DMXL1: variants seen among roughly 807,000 people sequenced by gnomAD.
DMXL1 encodes the protein dmX-like protein 1.
In DMXL1, 99 loss-of-function variants were observed where a neutral mutation model predicts 319.2. The observed-to-expected ratio is 0.31, with a 90% CI of 0.26 to 0.37. The LOEUF is 0.37. Among genes scored for constraint, DMXL1 ranks in the 10% least tolerant of loss-of-function variants. The pLI is 1.00. For missense variants in DMXL1, 3,745 were observed against 3,595.6 expected (o/e 1.04, Z -1.06); for synonymous variants, 1,385 against 1,235.2 (o/e 1.12, Z -2.54).
At chr5:119,108,947 A>G (rs1227306575) in intron 4 of DMXL1, among the ~76,000 whole-genome samples, 1 of 151,870 alleles carries the variant, frequency 6.6e-6, no homozygotes, top group Non-Finnish European at 1.5e-5. Flanking sequence ...GTTTACAGGC[A>G]TGCTCCACCA....
intron 2 of DMXL1, among the ~76,000 whole-genome samples, chr5:119,099,504 C>G (rs1357093601): frequency 6.6e-6 from 1 of 152,108 alleles, no homozygotes; most frequent in Non-Finnish European, 1.5e-5. Context: ...TGCGCCCAGC[C>G]TATCCTTGAG....
intron 4 of DMXL1, among the ~76,000 whole-genome samples, chr5:119,106,207 AGGGCAGCCT>A (rs1758308643): frequency 6.6e-6 from 1 of 152,182 alleles, no homozygotes; most frequent in Non-Finnish European, 1.5e-5. Flanking sequence ...CCTCTGTAGC[AGGGCAGCCT>A]GGATTTTACA....
In DMXL1 at chr5:119,116,173, A is replaced by C; in HGVS notation, c.580A>C (p.Lys194Gln). Residue 194 changes from lysine (K) to glutamine (Q), a missense_variant, in exon 7 of 44, where the codon AAG (lysine) becomes CAG (glutamine). Around this residue, in one of 4 missense-constraint regions of DMXL1, gnomAD observed 2,096 missense variants for 1,985.4 expected, o/e 1.06. Transcript: ENST00000539542. ...TTTTCCTTAGGATGACTGTCTTTTG[A>C]AGGTTTGGTATAATGTAGAAAACTG... Reference protein sequence around the residue: ...ATAGKDDCLLKVWYNVENWRT... With the variant: ...ATAGKDDCLLQVWYNVENWRT... 1 of 1,598,356 alleles carries C rather than the reference A, an allele frequency of 6.3e-7. No homozygotes were observed. The highest frequency in any genetic ancestry group is 8.5e-7 in the Non-Finnish European group (1 of 1,171,638).
Position 119,148,991 on chromosome 5 carries a change from A to G in DMXL1, c.3164A>G (p.Asn1055Ser). Residue 1055 changes from asparagine to serine, a missense_variant, in exon 18 of 44, where the codon AAT becomes AGT. Asn to Ser is a conservative substitution (Grantham distance 46). Transcript: ENST00000539542. Reference protein sequence around the residue: ...RPVEVSCAHTNRLAVAYKQPA... With the variant: ...RPVEVSCAHTSRLAVAYKQPA... ...GTAGAAGTTAGCTGTGCACATACAA[A>G]TCGTTTAGCAGTAGCTTATAAGCAG... 2 of 1,613,924 alleles carry G rather than the reference A, an allele frequency of 1.2e-6. No homozygotes were observed. The highest frequency in any genetic ancestry group is 1.7e-4 in the Middle Eastern group (1 of 6,058).
At chr5:119,177,330 G>A (rs1434630122) in intron 26 of DMXL1, 27 bp from the exon 27 acceptor site, 1 of 1,401,124 alleles carries the variant, frequency 7.1e-7, no homozygotes, top group African/African-American at 1.5e-5. Flanking sequence ...ATTTATCATA[G>A]ATTTAAATAT....
At chr5:119,233,172 T>A (rs888282147) in intron 38 of DMXL1, among the ~76,000 whole-genome samples, 168 bp from the exon 39 acceptor site, 1 of 152,196 alleles carries the variant, frequency 6.6e-6, no homozygotes, top group Non-Finnish European at 1.5e-5. Flanking sequence ...GTGTATTGTA[T>A]AACTATTTTT....
chr5:119,084,864 C>CAAAA (rs767235744), intron 1 of DMXL1, among the ~76,000 whole-genome samples: 1 of 69,896 alleles, frequency 1.4e-5, no homozygotes, highest in African/African-American at 4.7e-5. Context: ...AACTCCGTCT[C>CAAAA]AAAAAAAAAA....
rs1301162732 is a variant in DMXL1, at chr5:119,146,973, T to G, written c.2689+17T>G. On this transcript the variant is annotated intron_variant, in intron 16 of 43. Transcript: ENST00000539542. ...TCTCATTAGGTGAGTCTTTTGTGTGTGTGTTTGTGCAACTTTAATAGGTGT... is the reference window on the plus strand; with the variant it reads ...TCTCATTAGGTGAGTCTTTTGTGTGGGTGTTTGTGCAACTTTAATAGGTGT... 1 of 1,609,364 alleles carries G rather than the reference T, an allele frequency of 6.2e-7. No homozygotes were observed. The highest frequency in any genetic ancestry group is 1.1e-5 in the South Asian group (1 of 90,012).
chr5:119,127,752 T>C (rs1763930263), intron 9 of DMXL1: 1 of 254,832 alleles, frequency 3.9e-6, no homozygotes, highest in South Asian at 4.5e-5. Context: ...CCTTTATCTT[T>C]TTAACAAGTT....
chr5:119,099,303 CG>C (rs1375322491), intron 2 of DMXL1, among the ~76,000 whole-genome samples: 1 of 151,950 alleles, frequency 6.6e-6, no homozygotes, highest in Non-Finnish European at 1.5e-5. Flanking sequence ...CTCTGGCTTC[CG>C]GGTTCAAGCA....
At chr5:119,156,311 C>G (rs1409698731) in intron 19 of DMXL1, among the ~76,000 whole-genome samples, 1 of 152,178 alleles carries the variant, frequency 6.6e-6, no homozygotes, top group Non-Finnish European at 1.5e-5. Context: ...TCATTTTAGA[C>G]ATAACGCTAT....
At chr5:119,131,003 CTT>C (rs35682583) in intron 10 of DMXL1, among the ~76,000 whole-genome samples, 30 of 142,206 alleles carry the variant, frequency 2.1e-4, no homozygotes, top group Non-Finnish European at 2.5e-4. Flanking sequence ...CATTATATTA[CTT>C]TTTTTTTTTT....
chr5:119,133,244 T>A lies in DMXL1; in HGVS notation c.1428T>A (p.Asp476Glu), dbSNP rs1415070089. 2.5e-6 allele frequency: 4 copies of A among 1,614,084 alleles called. 1 individual carries two copies. The African/African-American group carries it at 5.3e-5, about 22-fold the overall frequency. The stretch of plus-strand genomic sequence containing the variant: ...CATCATTATCGTCAGCTGCCATTGA[T>A]CATCAGATTGAAGTACTTCTGTCTG... ...SFTSLSSAAI[D>E]HQIEVLLSEW... The change falls in exon 11 of 44, where the codon GAT becomes GAA. Residue 476 changes from aspartate (D) to glutamate (E), a missense_variant. This residue lies in a region of DMXL1 where 2,096 missense variants were observed against 1,985.4 expected (regional missense o/e 1.06). Coordinates refer to ENST00000539542, the MANE Select transcript of DMXL1 (RefSeq NM_001290321.3).
chr5:119,149,932 C>A lies in DMXL1; in HGVS notation c.4105C>A (p.Arg1369Ser). The change falls in exon 18 of 44, where the codon CGC becomes AGC. Residue 1369 changes from arginine (R) to serine (S), a missense_variant. Coordinates refer to ENST00000539542, the MANE Select transcript of DMXL1 (RefSeq NM_001290321.3). Reference sequence around the variant, plus strand: ...GAATGAAGCTGAATCTAATCATGAACGCCGCCTTAGGTCTCTCACAATCAG... The same window carrying A: ...GAATGAAGCTGAATCTAATCATGAAAGCCGCCTTAGGTCTCTCACAATCAG... ...ALNEAESNHE[R>S]RLRSLTISAS... The A allele has an allele frequency of 6.2e-7, 1 of 1,613,878 alleles. No individual in the cohort carries two copies. Among genetic ancestry groups the A allele is most frequent in the Non-Finnish European group, 8.5e-7 (1 of 1,179,922 alleles).
intron 2 of DMXL1, among the ~76,000 whole-genome samples, chr5:119,101,352 T>A (rs1242736774): frequency 1.3e-5 from 2 of 152,172 alleles, no homozygotes; most frequent in Non-Finnish European, 2.9e-5. Flanking sequence ...TCTCTCTGTT[T>A]GATTTCCAAT....
At chr5:119,120,537 A>C (rs1049901241) in intron 8 of DMXL1, among the ~76,000 whole-genome samples, 3 of 152,356 alleles carry the variant, frequency 2.0e-5, no homozygotes, top group Middle Eastern at 3.4e-3. Context: ...ATGCTTTGTA[A>C]ATTATGAAAT....
intron 43 of DMXL1, 57 bp downstream of exon 43, chr5:119,244,633 C>T: frequency 1.5e-6 from 2 of 1,325,958 alleles, no homozygotes; most frequent in Non-Finnish European, 2.2e-6. Flanking sequence ...AACCTTAGCT[C>T]TTTAATCGTA....
At chr5:119,185,806 CTTTT>C (rs535567601) in intron 28 of DMXL1, among the ~76,000 whole-genome samples, 2 of 147,106 alleles carry the variant, frequency 1.4e-5, no homozygotes, top group East Asian at 2.0e-4. Flanking sequence ...CCTGGCCAGA[CTTTT>C]TTTTTTTAAT....
chr5:119,170,172 A>G lies in DMXL1; in HGVS notation c.5399-18A>G. ...AGTTCATAACTTTTCTTGGCTCATAAAATGAATTTACTTTCAGATCAAGTT... is the reference window on the plus strand; with the variant it reads ...AGTTCATAACTTTTCTTGGCTCATAGAATGAATTTACTTTCAGATCAAGTT... On this transcript the variant is annotated intron_variant, in intron 23 of 43. Coordinates refer to ENST00000539542, the MANE Select transcript of DMXL1 (RefSeq NM_001290321.3). 4 of 1,575,374 alleles carry G rather than the reference A, an allele frequency of 2.5e-6. No individual in the cohort carries two copies. Among genetic ancestry groups the G allele is most frequent in the Non-Finnish European group, 3.4e-6 (4 of 1,165,072 alleles).
Sources: gnomAD v4.1 joint callset for allele counts (sites outside exome capture counted in the v4.1 genomes callset) on GRCh38, gnomAD v4.1.1 for gene constraint, gnomAD v4.1.1 regional missense constraint, MANE v1.5 for transcripts, NCBI Gene and HGNC (gene_info 2026-07-23, HGNC 2026-07-21) for gene names.